The following HCLS1 variants were observed in gnomAD, a reference collection of about 807,000 sequenced individuals.
HCLS1 encodes hematopoietic lineage cell-specific protein.
In HCLS1, 44 loss-of-function variants were observed where a neutral mutation model predicts 68.6. The ratio of observed to expected loss-of-function variants is 0.64; its 90% CI spans 0.50 to 0.82. The LOEUF (loss-of-function observed/expected upper bound fraction) is 0.82, where lower values mean the gene tolerates loss of function less well. Among genes scored for constraint, HCLS1 ranks in the 40% least tolerant of loss-of-function variants. The pLI is 0.00. For synonymous variants in HCLS1, 217 were observed against 225.8 expected (o/e 0.96, Z 0.35); for missense variants, 602 against 612.1 (o/e 0.98, Z 0.17).
chr3:121,649,458 C>G (rs966738899), intron 3 of HCLS1, among the ~76,000 whole-genome samples: 1 of 152,232 alleles, frequency 6.6e-6, no homozygotes, highest in East Asian at 1.9e-4. Flanking sequence ...TGGTCTCAAA[C>G]TCCTGACCTC....
chr3:121,632,567 A>G lies in HCLS1; in HGVS notation c.1009-4T>C, dbSNP rs1275521542. 5 of 1,609,904 alleles carry G rather than the reference A, an allele frequency of 3.1e-6. No homozygotes were observed. The African/African-American group carries it at 6.7e-5, about 22-fold the overall frequency. Reference sequence around the variant, plus strand: ...GAGCTGGGGGCTCCTCATTGTCCTGAGAAGAGACAGTGTGGAGCACTGTGA... The same window carrying G: ...GAGCTGGGGGCTCCTCATTGTCCTGGGAAGAGACAGTGTGGAGCACTGTGA... On this transcript the variant is annotated splice_region_variant and splice_polypyrimidine_tract_variant and intron_variant, in intron 11 of 13. Coordinates refer to ENST00000314583, the MANE Select transcript of HCLS1 (RefSeq NM_005335.6).
chr3:121,639,010 AACACACACACACACGCAC>A (rs1258257336), intron 6 of HCLS1, among the ~76,000 whole-genome samples: 5 of 149,284 alleles, frequency 3.3e-5, no homozygotes, highest in African/African-American at 1.2e-4. Flanking sequence ...GCAAGACTCC[AACACACACACACACGCAC>A]ACACACACAC....
At chr3:121,646,273 ATATAT>A (rs2049247060) in intron 4 of HCLS1, among the ~76,000 whole-genome samples, 1 of 112,730 alleles carries the variant, frequency 8.9e-6, no homozygotes. Context: ...AATATATAAT[ATATAT>A]TATATTTTAT....
At chr3:121,658,126 A>T in intron 2 of HCLS1, 138 bp downstream of exon 2, 1 of 678,732 alleles carries the variant, frequency 1.5e-6, no homozygotes, top group Non-Finnish European at 2.7e-6. Context: ...CAATTGTCCT[A>T]CCAATTAGTC....
chr3:121,633,765 C>T (rs1327060381), intron 10 of HCLS1, among the ~76,000 whole-genome samples: 1 of 151,428 alleles, frequency 6.6e-6, no homozygotes, highest in Non-Finnish European at 1.5e-5. Flanking sequence ...GTCTAGAACT[C>T]CTGGCTTCAA....
chr3:121,646,879 T>G (rs1937615994), intron 4 of HCLS1, among the ~76,000 whole-genome samples: 1 of 144,650 alleles, frequency 6.9e-6, no homozygotes, highest in African/African-American at 2.5e-5. Flanking sequence ...TAGTTGGCTC[T>G]TATTATAGAG....
Position 121,657,331 on chromosome 3 carries a change from G to T in HCLS1, c.106C>A (p.Gln36Lys). ...TCGATGGTCTTGGCTCCCCATCGTT[G>T]CTCCTTTTCAGAGATGTCATTCTGC... Reference protein sequence around the residue: ...DFVNDISEKEQRWGAKTIEGS... With the variant: ...DFVNDISEKEKRWGAKTIEGS... Residue 36 changes from glutamine (Q) to lysine (K), a missense_variant, in exon 3 of 14, where the codon CAA becomes AAA. Physicochemically the swap from Gln to Lys is moderately conservative, Grantham distance 53 (BLOSUM62 1). Coordinates refer to ENST00000314583, the MANE Select transcript of HCLS1 (RefSeq NM_005335.6). The T allele has an allele frequency of 1.9e-6, 3 of 1,613,936 alleles. No individual in the cohort carries two copies. Among genetic ancestry groups the T allele is most frequent in the Non-Finnish European group, 2.5e-6 (3 of 1,179,954 alleles).
chr3:121,648,162 G>A (rs999331135), intron 3 of HCLS1, among the ~76,000 whole-genome samples: 5 of 152,044 alleles, frequency 3.3e-5, no homozygotes, highest in African/African-American at 9.7e-5. Flanking sequence ...CTTCCCCCCA[G>A]GCTGATAATA....
intron 3 of HCLS1, chr3:121,655,680 G>GTTTTTTTTTT (rs4048704): frequency 1.7e-5 from 2 of 118,280 alleles, no homozygotes; most frequent in Admixed American, 8.7e-5. Context: ...GGGTCTTGTG[G>GTTTTTTTTTT]TTTTTTTTTT....
chr3:121,640,950 A>G (rs1234574733), intron 6 of HCLS1, among the ~76,000 whole-genome samples: 1 of 152,184 alleles, frequency 6.6e-6, no homozygotes, highest in Non-Finnish European at 1.5e-5. Flanking sequence ...CAATAATGAA[A>G]TACAGCTAAA....
rs1258110232 is a variant in HCLS1, at chr3:121,634,428, C to T, written c.692-10G>A. 1 of 1,613,526 alleles carries T rather than the reference C, an allele frequency of 6.2e-7. No individual in the cohort carries two copies. The highest frequency in any genetic ancestry group is 8.5e-7 in the Non-Finnish European group (1 of 1,179,676). ...CGGGTACCACTAGAAGCTGCAGACA[C>T]AGGCAAGAAAAATTAGGGTTGTCTT... On this transcript the variant is annotated splice_polypyrimidine_tract_variant and intron_variant, in intron 9 of 13. Coordinates refer to ENST00000314583, the MANE Select transcript of HCLS1 (RefSeq NM_005335.6).
intron 10 of HCLS1, 118 bp downstream of exon 10, chr3:121,634,089 A>AGACCTTACCTAACCCAGGGGAG: frequency 6.5e-7 from 1 of 1,529,100 alleles, no homozygotes; most frequent in Non-Finnish European, 8.8e-7. Flanking sequence ...CAGAGACAAC[A>AGACCTTACCTAACCCAGGGGAG]GACCTTGCCT....
intron 6 of HCLS1, 32 bp from the exon 7 acceptor site, chr3:121,637,288 C>T: frequency 7.0e-7 from 1 of 1,433,446 alleles, no homozygotes; most frequent in Non-Finnish European, 9.9e-7. Context: ...TGAGAGCCCA[C>T]CCTTAGGCTC....
At chr3:121,651,472 T>G (rs972283633) in intron 3 of HCLS1, among the ~76,000 whole-genome samples, 1 of 152,224 alleles carries the variant, frequency 6.6e-6, no homozygotes, top group African/African-American at 2.4e-5. Context: ...GATCTCAGTC[T>G]GTCACCCAGG....
At chr3:121,637,567 T>G (rs2049162154) in intron 6 of HCLS1, among the ~76,000 whole-genome samples, 1 of 151,702 alleles carries the variant, frequency 6.6e-6, no homozygotes, top group Non-Finnish European at 1.5e-5. Context: ...GGCAGATACA[T>G]GAAATGTATG....
At chr3:121,654,080 A>C (rs930054113) in intron 3 of HCLS1, 1 of 152,160 alleles carries the variant, frequency 6.6e-6, no homozygotes, top group African/African-American at 2.4e-5. Context: ...TGGAGTTTTG[A>C]CCTGCTCCAT....
chr3:121,646,633 G>A (rs1248860526), intron 4 of HCLS1, among the ~76,000 whole-genome samples: 1 of 105,018 alleles, frequency 9.5e-6, no homozygotes, highest in Admixed American at 1.3e-4. Flanking sequence ...TATATTATAA[G>A]TATATATTAT....
At chr3:121,646,531 G>A (rs1173817385) in intron 4 of HCLS1, among the ~76,000 whole-genome samples, 1 of 102,260 alleles carries the variant, frequency 9.8e-6, no homozygotes, top group Non-Finnish European at 1.8e-5. Flanking sequence ...TTATATATAA[G>A]TATATAAGTA....
chr3:121,649,082 G>T (rs1232883752), intron 3 of HCLS1, among the ~76,000 whole-genome samples: 1 of 152,038 alleles, frequency 6.6e-6, no homozygotes, highest in Non-Finnish European at 1.5e-5. Flanking sequence ...TTTTAAAAGG[G>T]ATTAGAAAAT....
Sources: allele counts gnomAD v4.1 joint callset (sites outside exome capture counted in the v4.1 genomes callset), GRCh38; gene constraint gnomAD v4.1.1; transcripts MANE v1.5; gene names NCBI Gene and HGNC (gene_info 2026-07-23, HGNC 2026-07-21).